The following TNPO2 variants were observed in gnomAD, a reference collection of about 807,000 sequenced individuals.
TNPO2 encodes the protein transportin 2.
In TNPO2, 16 loss-of-function variants were observed where a neutral mutation model predicts 111.1. The ratio of observed to expected loss-of-function variants is 0.14; its 90% CI spans 0.10 to 0.22. The LOEUF (loss-of-function observed/expected upper bound fraction) is 0.22, where lower values mean the gene tolerates loss of function less well. Among genes scored for constraint, TNPO2 ranks in the 10% least tolerant of loss-of-function variants. The probability of loss-of-function intolerance (pLI) is 1.00; values close to 1 mark genes in which losing one functional copy is unlikely to be tolerated. For synonymous variants in TNPO2, 481 were observed against 475.8 expected (o/e 1.01, Z -0.14); for missense variants, 530 against 1,173.7 (o/e 0.45, Z 8.01).
In TNPO2 at chr19:12,702,307, G is replaced by A; in HGVS notation, c.2306-130C>T. 1.3e-6 allele frequency: 1 copy of A among 743,112 alleles called. No individual in the cohort carries two copies. Among genetic ancestry groups the A allele is most frequent in the Admixed American group, 2.2e-5 (1 of 46,484 alleles). The allele number at this position is 743,112 out of a possible 1,614,324, so 46.0% of individuals were successfully genotyped here. A position where few individuals can be genotyped will look rare whatever the true frequency, so the allele number is the denominator to read the frequency against. ...GGTCCCCCAAGCTTGGCCCAGCCAGGGGTCCTCCTCATCACACCTGAGTCA... is the reference window on the plus strand; with the variant it reads ...GGTCCCCCAAGCTTGGCCCAGCCAGAGGTCCTCCTCATCACACCTGAGTCA... On this transcript the variant is annotated intron_variant, in intron 21 of 25. Transcript: ENST00000425528. This position sits in a 1 kb window ranked among gnomAD's most constrained non-coding sequence, Gnocchi z 5.5.
chr19:12,701,761 G>GC lies in TNPO2; in HGVS notation c.2501dup (p.Val835ArgfsTer21), dbSNP rs776213759. On this transcript the variant is annotated frameshift_variant, in exon 23 of 26. Transcript: ENST00000425528. LOFTEE classifies it high-confidence loss of function. This position sits in a 1 kb window ranked among gnomAD's most constrained non-coding sequence, Gnocchi z 5.0. ...GCCCAGCTGCCCCAACCTGCACAAC[G>GC]CCCCCCGGGTTGACACCGATCATCA... The GC allele has an allele frequency of 1.2e-6, 2 of 1,613,596 alleles. No individual in the cohort carries two copies.
Position 12,699,554 on chromosome 19 carries a change from ACCAATC to A in TNPO2, c.*1704_*1709del, listed in dbSNP as rs149173356. 8.0e-3 allele frequency: 1,227 copies of A among 152,912 alleles called. 19 individuals are homozygous for A. The highest frequency in any genetic ancestry group is 0.028 in the African/African-American group (1,153 of 41,360). The allele number at this position is 152,912 out of a possible 1,614,324, so 9.5% of individuals were successfully genotyped here. A position where few individuals can be genotyped will look rare whatever the true frequency, so the allele number is the denominator to read the frequency against. ...CCCCCATCTTGAGTAGCGAGGGGTT[ACCAATC>A]CCATCAGACAGCCAATCCATCCACA... On this transcript the variant is annotated 3_prime_UTR_variant, in exon 26 of 26. Coordinates refer to ENST00000425528, the MANE Select transcript of TNPO2 (RefSeq NM_001382241.1).
In TNPO2 at chr19:12,701,983, A is replaced by T; in HGVS notation, c.2411+89T>A. 1 of 1,439,066 alleles carries T rather than the reference A, an allele frequency of 6.9e-7. No individual in the cohort carries two copies. The highest frequency in any genetic ancestry group is 1.1e-5 in the South Asian group (1 of 87,090). The allele number at this position is 1,439,066 out of a possible 1,614,324, so 89.1% of individuals were successfully genotyped here. A position where few individuals can be genotyped will look rare whatever the true frequency, so the allele number is the denominator to read the frequency against. ...GGGTGGGGCAGGGCAGGGAGTCAGT[A>T]GGCAGATGGGGCTGGAAATGCACAG... On this transcript the variant is annotated intron_variant, in intron 22 of 25. Transcript: ENST00000425528. This position sits in a 1 kb window ranked among gnomAD's most constrained non-coding sequence, Gnocchi z 5.0.
Position 12,705,474 on chromosome 19 carries a change from G to A in TNPO2, c.1863+18C>T, listed in dbSNP as rs201610894. On this transcript the variant is annotated intron_variant, in intron 17 of 25. Transcript: ENST00000425528. The surrounding 1 kb of genome is among the most constrained non-coding windows in gnomAD (Gnocchi z 7.2). ...AGGCCAATGCAGAAGCACAGGTGAC[G>A]GGCCTAGGGTTGCTCACCATGGCCT... 22 of 1,582,984 alleles carry A rather than the reference G, an allele frequency of 1.4e-5. No individual in the cohort carries two copies. The highest frequency in any genetic ancestry group is 1.2e-4 in the African/African-American group (9 of 74,402).
At position 12,715,378 on chromosome 19, in the gene TNPO2, T is replaced by C. The variant is rs138458538; in HGVS notation, c.566+27A>G. Reference sequence around the variant, plus strand: ...CTGACCCTGCCCACTCCAGGCTCCCTGGAAGCCCCCAGGGAGCTGCACCCA... The same window carrying C: ...CTGACCCTGCCCACTCCAGGCTCCCCGGAAGCCCCCAGGGAGCTGCACCCA... On this transcript the variant is annotated intron_variant, in intron 7 of 25. Transcript: ENST00000425528. This position sits in a 1 kb window ranked among gnomAD's most constrained non-coding sequence, Gnocchi z 7.1. 0.013 allele frequency: 21,423 copies of C among 1,613,868 alleles called. 342 individuals are homozygous for C. Among genetic ancestry groups the C allele is most frequent in the South Asian group, 0.055 (5,011 of 91,082 alleles).
intron 12 of TNPO2, 48 bp downstream of exon 12, chr19:12,711,248 A>G: frequency 6.3e-7 from 1 of 1,592,362 alleles, no homozygotes; most frequent in Non-Finnish European, 8.6e-7. Flanking sequence ...CCCAAGAGGG[A>G]GTCCAGGGCT....
At chr19:12,714,708 TA>T in intron 10 of TNPO2, 112 bp downstream of exon 10, 1 of 843,668 alleles carries the variant, frequency 1.2e-6, no homozygotes, top group Non-Finnish European at 2.0e-6. Flanking sequence ...ATACTGAATG[TA>T]AACTGACAAG....
intron 10 of TNPO2, among the ~76,000 whole-genome samples, chr19:12,713,309 A>T (rs973287814): frequency 1.3e-5 from 2 of 151,190 alleles, no homozygotes; most frequent in African/African-American, 4.9e-5. Context: ...AGGTCTCATC[A>T]CTCCCCAGGA....
At chr19:12,723,146 G>C (rs535913950) in intron 2 of TNPO2, 103 bp downstream of exon 2, 1 of 152,270 alleles carries the variant, frequency 6.6e-6, no homozygotes, top group African/African-American at 2.4e-5. Flanking sequence ...CTGTTTGATA[G>C]TTTTTACAAG....
chr19:12,715,477 G>A lies in TNPO2; in HGVS notation c.494C>T (p.Ala165Val). The change falls in exon 7 of 26, where the codon GCC (alanine) becomes GTC (valine). Residue 165 changes from alanine to valine, a missense_variant. By Grantham distance (64) the Ala-to-Val change is moderately conservative (BLOSUM62 0). Transcript: ENST00000425528. This position sits in a 1 kb window ranked among gnomAD's most constrained non-coding sequence, Gnocchi z 7.1. ...CATGATGTTGAGGGGCCTGTTGAGG[G>A]CGTCACTGTCCAGAAGCTCTGATGA... is the stretch of plus-strand genomic sequence containing the variant. ...EDSSELLDSD[A>V]LNRPLNIMIP... 2 of 1,613,926 alleles carry A rather than the reference G, an allele frequency of 1.2e-6. No homozygotes were observed. Among genetic ancestry groups the A allele is most frequent in the Middle Eastern group, 3.3e-4 (2 of 6,062 alleles).
rs368176474 is a variant in TNPO2, at chr19:12,715,312, G to T, written c.579C>A (p.Ile193=). ...CCATGATGAACTGGTTCACGCAGGC[G>T]ATGGCGTGGGACCTGGCGGGGAGCA... ...HCSPKIRSHA[I]ACVNQFIMDR... The change falls in exon 8 of 26, where the codon ATC becomes ATA. Residue 193 remains isoleucine, a synonymous_variant. Coordinates refer to ENST00000425528, the MANE Select transcript of TNPO2 (RefSeq NM_001382241.1). The surrounding 1 kb of genome is among the most constrained non-coding windows in gnomAD (Gnocchi z 7.1). The T allele has an allele frequency of 2.5e-6, 4 of 1,613,738 alleles. No homozygotes were observed. The Admixed American group carries it at 6.7e-5, about 27-fold the overall frequency.
In TNPO2 at chr19:12,706,118, C is replaced by T; in HGVS notation, c.1668+78G>A. On this transcript the variant is annotated intron_variant, in intron 15 of 25. Transcript: ENST00000425528. This position sits in a 1 kb window ranked among gnomAD's most constrained non-coding sequence, Gnocchi z 7.0. ...AGGTCACGGCCACGTCCCTGGCGTG[C>T]AACACGGGGTTGCCACCAGGTCACT... is the stretch of plus-strand genomic sequence containing the variant. The T allele has an allele frequency of 6.6e-7, 1 of 1,519,528 alleles. No homozygotes were observed. The highest frequency in any genetic ancestry group is 8.9e-7 in the Non-Finnish European group (1 of 1,123,724). The allele number at this position is 1,519,528 out of a possible 1,614,324, so 94.1% of individuals were successfully genotyped here. A position where few individuals can be genotyped will look rare whatever the true frequency, so the allele number is the denominator to read the frequency against.
In TNPO2 at chr19:12,703,145, G is replaced by C. The variant is rs904144268; in HGVS notation, c.2210-227C>G. On this transcript the variant is annotated intron_variant, in intron 20 of 25. Coordinates refer to ENST00000425528, the MANE Select transcript of TNPO2 (RefSeq NM_001382241.1). ...ACAGAGGCTTCTCTGGAGTCGCTAA[G>C]GTGACAACACGCTGCCCAAGTCAAA... is the stretch of plus-strand genomic sequence containing the variant. 4 of 587,064 alleles carry C rather than the reference G, an allele frequency of 6.8e-6. No individual in the cohort carries two copies. The African/African-American group carries it at 7.5e-5, about 11-fold the overall frequency. The allele number at this position is 587,064 out of a possible 1,614,324, so 36.4% of individuals were successfully genotyped here.
In TNPO2 at chr19:12,721,155, G is replaced by C. The variant is rs1205562429; in HGVS notation, c.-13-165C>G. ...CCCAAGTGCGGGGTCCCCGCCAGCT[G>C]CGCCATCCTCGGCCGCGCAGTCGCG... On this transcript the variant is annotated intron_variant, in intron 2 of 25. Coordinates refer to ENST00000425528, the MANE Select transcript of TNPO2 (RefSeq NM_001382241.1). This position sits in a 1 kb window ranked among gnomAD's most constrained non-coding sequence, Gnocchi z 4.9. 6 of 1,424,578 alleles carry C rather than the reference G, an allele frequency of 4.2e-6. No individual in the cohort carries two copies. Among genetic ancestry groups the C allele is most frequent in the African/African-American group, 1.5e-5 (1 of 66,286 alleles). 88.2% of individuals were successfully genotyped at this position (1,424,578 alleles called of 1,614,324 possible). A position where few individuals can be genotyped will look rare whatever the true frequency, so the allele number is the denominator to read the frequency against.
intron 10 of TNPO2, among the ~76,000 whole-genome samples, chr19:12,712,159 CAG>C (rs2026093628): frequency 6.6e-6 from 1 of 152,164 alleles, no homozygotes. Flanking sequence ...GAGGTGTGAC[CAG>C]AAGACAAGAG....
chr19:12,711,803 G>A (rs1428732438), intron 10 of TNPO2, among the ~76,000 whole-genome samples, 190 bp from the exon 11 acceptor site: 2 of 151,868 alleles, frequency 1.3e-5, no homozygotes, highest in Non-Finnish European at 1.5e-5. Context: ...GGGAATTATC[G>A]GAATCTAGTC....
intron 5 of TNPO2, among the ~76,000 whole-genome samples, chr19:12,716,134 G>A (rs997937286): frequency 3.0e-4 from 45 of 152,242 alleles, no homozygotes; most frequent in Admixed American, 2.7e-3. Context: ...GCCTCCAAAA[G>A]CACTGAGATT....
chr19:12,722,911 G>A (rs1016732617), intron 2 of TNPO2, among the ~76,000 whole-genome samples: 1 of 152,214 alleles, frequency 6.6e-6, no homozygotes, highest in African/African-American at 2.4e-5. Flanking sequence ...CCCTCGGCCA[G>A]AGCCAGCACC....
Position 12,721,405 on chromosome 19 carries a change from G to A in TNPO2, c.-13-415C>T, listed in dbSNP as rs765678689. The A allele has an allele frequency of 3.1e-4, 254 of 806,372 alleles. No homozygotes were observed. The highest frequency in any genetic ancestry group is 4.4e-4 in the Non-Finnish European group (244 of 557,088). The allele number at this position is 806,372 out of a possible 1,614,324, so 50.0% of individuals were successfully genotyped here. A position where few individuals can be genotyped will look rare whatever the true frequency, so the allele number is the denominator to read the frequency against. On this transcript the variant is annotated intron_variant, in intron 2 of 25. Transcript: ENST00000425528. This position sits in a 1 kb window ranked among gnomAD's most constrained non-coding sequence, Gnocchi z 4.9. ...CGCCCCAGACCGTGATAGCGCCCCGGCCCCCGTGGTCTCTTCTATGCAGGC... is the reference window on the plus strand; with the variant it reads ...CGCCCCAGACCGTGATAGCGCCCCGACCCCCGTGGTCTCTTCTATGCAGGC...
Sources: gnomAD v4.1 joint callset for allele counts (sites outside exome capture counted in the v4.1 genomes callset) on GRCh38, gnomAD v4.1.1 for gene constraint, Gnocchi (gnomAD v3.1) non-coding constraint, MANE v1.5 for transcripts, NCBI Gene and HGNC (gene_info 2026-07-23, HGNC 2026-07-21) for gene names.